The following ZBTB2 variants were observed in gnomAD, a reference collection of about 807,000 sequenced individuals.
ZBTB2 encodes zinc finger and BTB domain containing 2.
Under a neutral mutation model 39.5 loss-of-function variants are expected in ZBTB2, and 2 were observed. That is an observed-to-expected ratio of 0.05 (90% confidence interval 0.02 to 0.16). The LOEUF (loss-of-function observed/expected upper bound fraction) is 0.16, where lower values mean the gene tolerates loss of function less well. ZBTB2 is among the 10% of genes least tolerant of loss of function. The pLI is 1.00. For missense variants in ZBTB2, 391 were observed against 653.0 expected (o/e 0.60, Z 4.37); for synonymous variants, 251 against 256.6 (o/e 0.98, Z 0.21).
intron 1 of ZBTB2, among the ~76,000 whole-genome samples, chr6:151,390,176 G>A (rs996895218): frequency 3.9e-5 from 6 of 151,920 alleles, no homozygotes; most frequent in African/African-American, 1.4e-4. Flanking sequence ...CGGGACTGGG[G>A]CCCGGCCTGC....
At chr6:151,381,791 A>G (rs1435477969) in intron 1 of ZBTB2, among the ~76,000 whole-genome samples, 2 of 152,202 alleles carry the variant, frequency 1.3e-5, no homozygotes, top group African/African-American at 4.8e-5. Flanking sequence ...TTTTGCCAGC[A>G]AAGACACAAA....
chr6:151,386,906 A>C (rs1292387621), intron 1 of ZBTB2, among the ~76,000 whole-genome samples: 1 of 152,238 alleles, frequency 6.6e-6, no homozygotes, highest in African/African-American at 2.4e-5. Flanking sequence ...TACATGTTAA[A>C]GTACAGAACA....
At chr6:151,382,001 T>A (rs1237954667) in intron 1 of ZBTB2, among the ~76,000 whole-genome samples, 3 of 152,210 alleles carry the variant, frequency 2.0e-5, no homozygotes, top group Non-Finnish European at 2.9e-5. Context: ...TCCACAAATC[T>A]AGTTGGTATA....
chr6:151,372,000 A>G (rs1434273196), intron 2 of ZBTB2, among the ~76,000 whole-genome samples: 1 of 152,226 alleles, frequency 6.6e-6, no homozygotes, highest in Non-Finnish European at 1.5e-5. Context: ...AATGCCCAGC[A>G]CACAGCCTGA....
chr6:151,373,072 G>A (rs1436356647), intron 2 of ZBTB2, among the ~76,000 whole-genome samples: 7 of 147,730 alleles, frequency 4.7e-5, no homozygotes, highest in African/African-American at 1.0e-4. Context: ...GGAGAATGGC[G>A]TGAACCCGGG....
At chr6:151,374,981 G>C (rs370764068) in intron 1 of ZBTB2, among the ~76,000 whole-genome samples, 1 of 150,244 alleles carries the variant, frequency 6.7e-6, no homozygotes, top group African/African-American at 2.4e-5. Context: ...TTAGCTGGGC[G>C]TGGTGGCAGG....
intron 1 of ZBTB2, among the ~76,000 whole-genome samples, chr6:151,386,881 A>C (rs1300609008): frequency 6.6e-6 from 1 of 151,968 alleles, no homozygotes; most frequent in African/African-American, 2.4e-5. Flanking sequence ...ATTCAATTAA[A>C]AACAATAAGG....
Position 151,366,088 on chromosome 6 carries a change from A to G in ZBTB2, c.978T>C (p.Ser326=), listed in dbSNP as rs998861263. 9.9e-6 allele frequency: 16 copies of G among 1,613,964 alleles called. No individual in the cohort carries two copies. The highest frequency in any genetic ancestry group is 1.4e-5 in the Non-Finnish European group (16 of 1,180,016). ...ACTGCTGCTGCCCATCGATGATGGG[A>G]GAATCAGAGATGTGCTGCAGCTCAC... ...SDSELQHISD[S]PIIDGQQQSE... The change falls in exon 3 of 3, where the codon TCT becomes TCC. Residue 326 remains serine (S), a synonymous_variant. Coordinates refer to ENST00000325144, the MANE Select transcript of ZBTB2 (RefSeq NM_020861.3). This position sits in a 1 kb window ranked among gnomAD's most constrained non-coding sequence, Gnocchi z 7.1.
chr6:151,379,052 G>A (rs1778977688), intron 1 of ZBTB2, among the ~76,000 whole-genome samples: 1 of 152,098 alleles, frequency 6.6e-6, no homozygotes, highest in Non-Finnish European at 1.5e-5. Flanking sequence ...CAGTGTGTTT[G>A]TTTTAAATTA....
chr6:151,390,427 C>T (rs1247626617), intron 1 of ZBTB2, among the ~76,000 whole-genome samples: 8 of 150,198 alleles, frequency 5.3e-5, no homozygotes, highest in Admixed American at 2.0e-4. Context: ...CTCGCCGCTT[C>T]CCTCAGTCCC....
At position 151,391,445 on chromosome 6, in the gene ZBTB2, G is replaced by C. The variant is rs555270945; in HGVS notation, c.-38C>G. On this transcript the variant is annotated 5_prime_UTR_variant, in exon 1 of 3. Transcript: ENST00000325144. ...CTGTCGCCGGTGCTGCTGCGGCGGG[G>C]GGTGTGGAGGAGGCGCCTCTGGGCA... 2.6e-5 allele frequency: 4 copies of C among 152,004 alleles called. No individual in the cohort carries two copies. The East Asian group carries it at 7.9e-4, about 30-fold the overall frequency. The allele number at this position is 152,004 out of a possible 1,614,324, so 9.4% of individuals were successfully genotyped here.
intron 1 of ZBTB2, among the ~76,000 whole-genome samples, chr6:151,382,195 T>C (rs144470209): frequency 1.3e-5 from 2 of 152,392 alleles, no homozygotes; most frequent in East Asian, 1.9e-4. Flanking sequence ...TTGTTGTACA[T>C]GTGGTCTTTC....
chr6:151,382,501 C>T (rs990652744), intron 1 of ZBTB2, among the ~76,000 whole-genome samples: 7 of 150,430 alleles, frequency 4.7e-5, no homozygotes, highest in Non-Finnish European at 8.8e-5. Flanking sequence ...ATGATCCACC[C>T]GCCTCGGCCT....
intron 1 of ZBTB2, among the ~76,000 whole-genome samples, chr6:151,377,501 T>C (rs902866612): frequency 7.4e-5 from 11 of 148,758 alleles, no homozygotes; most frequent in Admixed American, 2.7e-4. Context: ...CCTGAGTAGC[T>C]GGGATTACAG....
chr6:151,381,529 AAAAAATAAAAAT>A (rs538549899), intron 1 of ZBTB2, among the ~76,000 whole-genome samples: 8 of 151,998 alleles, frequency 5.3e-5, no homozygotes, highest in African/African-American at 1.7e-4. Context: ...TAAAAAAAAT[AAAAAATAAAAAT>A]AAAAATAAAA....
At chr6:151,371,763 AGT>A (rs1778793998) in intron 2 of ZBTB2, among the ~76,000 whole-genome samples, 1 of 152,238 alleles carries the variant, frequency 6.6e-6, no homozygotes, top group Admixed American at 6.5e-5. Context: ...CAGTCAAAGC[AGT>A]GTTTGGAAAT....
chr6:151,373,021 G>A (rs372550057), intron 2 of ZBTB2, among the ~76,000 whole-genome samples: 2 of 151,622 alleles, frequency 1.3e-5, no homozygotes, highest in Non-Finnish European at 2.9e-5. Context: ...CGGGCGTGGC[G>A]GCGGGTGCCT....
intron 1 of ZBTB2, among the ~76,000 whole-genome samples, chr6:151,390,317 T>TCTGGCCCCCTCCGGTCTCGCCGGC (rs1296176690): frequency 1.5e-5 from 2 of 132,868 alleles, no homozygotes; most frequent in African/African-American, 2.9e-5. Flanking sequence ...GCCGGGGCCC[T>TCTGGCCCCCTCCGGTCTCGCCGGC]CTGGCCCCCT....
intron 1 of ZBTB2, 108 bp from the exon 2 acceptor site, chr6:151,373,757 G>A (rs1391167093): frequency 1.2e-5 from 11 of 952,522 alleles, no homozygotes; most frequent in East Asian, 3.5e-5. Flanking sequence ...CATAGCTAAC[G>A]TGTCAGGCAC....
Sources: gnomAD v4.1 joint callset for allele counts (sites outside exome capture counted in the v4.1 genomes callset) on GRCh38, gnomAD v4.1.1 for gene constraint, Gnocchi (gnomAD v3.1) non-coding constraint, MANE v1.5 for transcripts, NCBI Gene and HGNC (gene_info 2026-07-23, HGNC 2026-07-21) for gene names.